Variants in STMN3 observed in about 807,000 individuals in gnomAD.
STMN3 encodes stathmin 3.
STMN3 carries 24 observed loss-of-function variants against 23.2 expected under a neutral mutation model. That is an observed-to-expected ratio of 1.03 (90% CI 0.75 to 1.45). The LOEUF (loss-of-function observed/expected upper bound fraction) is 1.45. Among genes scored for constraint, STMN3 ranks in the 40% most tolerant of loss-of-function variants. STMN3 has a pLI of 0.00. For missense variants in STMN3, 235 were observed against 237.6 expected (o/e 0.99, Z 0.07); for synonymous variants, 117 against 103.4 (o/e 1.13, Z -0.80).
intron 1 of STMN3, among the ~76,000 whole-genome samples, chr20:63,647,787 TAATA>T (rs1233456353): frequency 7.9e-6 from 1 of 126,000 alleles, no homozygotes; most frequent in African/African-American, 2.9e-5. Flanking sequence ...TGTATATATA[TAATA>T]TATATACGTA....
At chr20:63,647,800 T>C (rs1192727128) in intron 1 of STMN3, among the ~76,000 whole-genome samples, 1 of 127,526 alleles carries the variant, frequency 7.8e-6, no homozygotes, top group Non-Finnish European at 1.7e-5. Flanking sequence ...TATATATACG[T>C]ATATATACAC....
At chr20:63,650,559 C>T (rs1250780061) in intron 1 of STMN3, among the ~76,000 whole-genome samples, 2 of 127,066 alleles carry the variant, frequency 1.6e-5, no homozygotes, top group East Asian at 2.5e-4. Context: ...CCCCTCCCGT[C>T]GCCCAGGTGG....
At position 63,652,811 on chromosome 20, in the gene STMN3, G is replaced by A; in HGVS notation, c.19+516C>T. 1 of 981,740 alleles carries A rather than the reference G, an allele frequency of 1.0e-6. No individual in the cohort carries two copies. The highest frequency in any genetic ancestry group is 1.2e-6 in the Non-Finnish European group (1 of 826,578). 60.8% of individuals were successfully genotyped at this position (981,740 alleles called of 1,614,324 possible). On this transcript the variant is annotated intron_variant, in intron 1 of 4. Coordinates refer to ENST00000370053, the MANE Select transcript of STMN3 (RefSeq NM_015894.4). The surrounding 1 kb of genome is among the most constrained non-coding windows in gnomAD (Gnocchi z 5.3). The stretch of plus-strand genomic sequence containing the variant: ...CCTCACTCCGGGCTCCGCCGTGTCT[G>A]GCCCGCCCCCCTCCTTCAGCGCCCC...
Position 63,641,074 on chromosome 20 carries a change from G to A in STMN3, c.*264C>T. The A allele has an allele frequency of 1.8e-6, 1 of 553,664 alleles. No individual in the cohort carries two copies. The highest frequency in any genetic ancestry group is 3.3e-6 in the Non-Finnish European group (1 of 305,946). The allele number at this position is 553,664 out of a possible 1,614,324, so 34.3% of individuals were successfully genotyped here. A position where few individuals can be genotyped will look rare whatever the true frequency, so the allele number is the denominator to read the frequency against. On this transcript the variant is annotated 3_prime_UTR_variant, in exon 5 of 5. Transcript: ENST00000370053. Reference sequence around the variant, plus strand: ...ACGGTCACCGCCACCTCTCTCACAGGGCCCCCGGGGGACCCAGCCGCGCCC... The same window carrying A: ...ACGGTCACCGCCACCTCTCTCACAGAGCCCCCGGGGGACCCAGCCGCGCCC...
rs1288102679 is a variant in STMN3 at position 63,647,712 on chromosome 20, G to A, written c.20-3403C>T. Among the ~76,000 whole-genome samples, 17 of 107,158 alleles carry A rather than the reference G, an allele frequency of 1.6e-4. 1 individual carries two copies. The East Asian group carries it at 1.6e-3, about 10-fold the overall frequency. The allele number at this position is 107,158 out of a possible 152,430, so 70.3% of individuals were successfully genotyped here. A position where few individuals can be genotyped will look rare whatever the true frequency, so the allele number is the denominator to read the frequency against. On this transcript the variant is annotated intron_variant, in intron 1 of 4. Coordinates refer to ENST00000370053, the MANE Select transcript of STMN3 (RefSeq NM_015894.4). The stretch of plus-strand genomic sequence containing the variant: ...GTGTATATATATAATATATATACAC[G>A]TGTATATATATTATATACATATATA...
At chr20:63,643,659 C>G (rs577765173) in intron 3 of STMN3, 97 bp downstream of exon 3, 1 of 1,432,546 alleles carries the variant, frequency 7.0e-7, no homozygotes, top group Non-Finnish European at 9.1e-7. Flanking sequence ...AGGCACTGAC[C>G]AAGCCTGTCC....
chr20:63,644,396 A>C, intron 1 of STMN3, 87 bp from the exon 2 acceptor site: 1 of 1,019,318 alleles, frequency 9.8e-7, no homozygotes, highest in Non-Finnish European at 1.5e-6. Flanking sequence ...TGCCTCTATC[A>C]TGTCTCTGTG....
At chr20:63,646,649 G>C (rs2089811725) in intron 1 of STMN3, among the ~76,000 whole-genome samples, 1 of 151,886 alleles carries the variant, frequency 6.6e-6, no homozygotes, top group South Asian at 2.1e-4. Flanking sequence ...CACTGTGCCT[G>C]GCCTACTTTA....
rs201828570 is a variant in STMN3 at position 63,643,905 on chromosome 20, G to A, written c.142C>T (p.Arg48Trp). The change falls in exon 3 of 5, where the codon CGG becomes TGG. Residue 48 changes from arginine to tryptophan, a missense_variant. Transcript: ENST00000370053. ...GDMEVKQLDK[R>W]ASGQSFEVIL... Reference sequence around the variant, plus strand: ...ACCTCGAAGCTCTGGCCTGAGGCCCGCTTGTCCAGCTGCTTCACCTCCATG... The same window carrying A: ...ACCTCGAAGCTCTGGCCTGAGGCCCACTTGTCCAGCTGCTTCACCTCCATG... 9 of 1,597,990 alleles carry A rather than the reference G, an allele frequency of 5.6e-6. No homozygotes were observed. The East Asian group carries it at 6.7e-5, about 12-fold the overall frequency.
Position 63,653,417 on chromosome 20 carries a change from G to T in STMN3, c.-72C>A. On this transcript the variant is annotated 5_prime_UTR_variant, in exon 1 of 5. Coordinates refer to ENST00000370053, the MANE Select transcript of STMN3 (RefSeq NM_015894.4). ...GCGGCCGGAGCTGCAGACGGCTGGT[G>T]CTGCAGTGCCGGGGAGGGGAGGGGA... 2.0e-6 allele frequency: 3 copies of T among 1,486,816 alleles called. No homozygotes were observed. Among genetic ancestry groups the T allele is most frequent in the Non-Finnish European group, 1.8e-6 (2 of 1,107,448 alleles). The allele number at this position is 1,486,816 out of a possible 1,614,324, so 92.1% of individuals were successfully genotyped here.
rs1005225181 is a variant in STMN3, at chr20:63,652,044, G to C, written c.19+1283C>G. 6.6e-6 allele frequency: 1 copy of C among 152,548 alleles called. No individual in the cohort carries two copies. The highest frequency in any genetic ancestry group is 1.5e-5 in the Non-Finnish European group (1 of 68,306). The allele number at this position is 152,548 out of a possible 1,614,324, so 9.4% of individuals were successfully genotyped here. A position where few individuals can be genotyped will look rare whatever the true frequency, so the allele number is the denominator to read the frequency against. On this transcript the variant is annotated intron_variant, in intron 1 of 4. Coordinates refer to ENST00000370053, the MANE Select transcript of STMN3 (RefSeq NM_015894.4). This position sits in a 1 kb window ranked among gnomAD's most constrained non-coding sequence, Gnocchi z 5.3. ...CCCCAGTATCCCCGGGGGTGTCCAGGAGGAGGCGGAGGGAGGAAGCGCAGA... is the reference window on the plus strand; with the variant it reads ...CCCCAGTATCCCCGGGGGTGTCCAGCAGGAGGCGGAGGGAGGAAGCGCAGA...
Position 63,643,843 on chromosome 20 carries a change from G to A in STMN3, c.204C>T (p.Ser68=). 6.3e-7 allele frequency: 1 copy of A among 1,576,840 alleles called. No homozygotes were observed. The highest frequency in any genetic ancestry group is 8.5e-7 in the Non-Finnish European group (1 of 1,170,116). Residue 68 remains serine (S), a synonymous_variant, in exon 3 of 5, where the codon AGC becomes AGT. Coordinates refer to ENST00000370053, the MANE Select transcript of STMN3 (RefSeq NM_015894.4). ...TCTTGGGTGGGGAGGAGAGCATAGGGCTCTCTGGGGACAGGTCAGAAGGGG... is the reference window on the plus strand; with the variant it reads ...TCTTGGGTGGGGAGGAGAGCATAGGACTCTCTGGGGACAGGTCAGAAGGGG... ...LKSPSDLSPE[S]PMLSSPPKKK...
chr20:63,643,148 G>T lies in STMN3; in HGVS notation c.291+608C>A, dbSNP rs543506236. On this transcript the variant is annotated intron_variant, in intron 3 of 4. Coordinates refer to ENST00000370053, the MANE Select transcript of STMN3 (RefSeq NM_015894.4). ...AGGGATGCCCCACCCGACGTCCCCAGGGCCCATCTGGGGACCACCCCCTAG... is the reference window on the plus strand; with the variant it reads ...AGGGATGCCCCACCCGACGTCCCCATGGCCCATCTGGGGACCACCCCCTAG... Among the ~76,000 whole-genome samples the T allele has an allele frequency of 1.1e-3, 174 of 152,200 alleles. 1 individual carries two copies. Among genetic ancestry groups the T allele is most frequent in the South Asian group, 3.7e-3 (18 of 4,822 alleles).
chr20:63,651,476 C>G (rs569595769), intron 1 of STMN3, among the ~76,000 whole-genome samples: 1 of 151,980 alleles, frequency 6.6e-6, no homozygotes, highest in African/African-American at 2.4e-5. Context: ...GCCGGCTCCC[C>G]CCGGGGGCAG....
intron 3 of STMN3, among the ~76,000 whole-genome samples, chr20:63,642,784 CT>C (rs1197476348): frequency 1.3e-5 from 2 of 152,124 alleles, no homozygotes; most frequent in Non-Finnish European, 2.9e-5. Context: ...CCCAGGGATG[CT>C]GGGGGAGGGG....
intron 1 of STMN3, among the ~76,000 whole-genome samples, chr20:63,644,946 T>G (rs1442809527): frequency 6.6e-6 from 1 of 152,114 alleles, no homozygotes; most frequent in Non-Finnish European, 1.5e-5. Flanking sequence ...CAGTCTCAGG[T>G]ACCTGCCCAG....
Position 63,653,310 on chromosome 20 carries a change from G to A in STMN3, c.19+17C>T, listed in dbSNP as rs752861008. 204 of 1,545,996 alleles carry A rather than the reference G, an allele frequency of 1.3e-4. No individual in the cohort carries two copies. Among genetic ancestry groups the A allele is most frequent in the Non-Finnish European group, 1.7e-4 (191 of 1,145,330 alleles). ...CAGATCCCGCCGCCCCACAAAGCCC[G>A]TGGCCCCGGAGCCTACCGGAAATGG... On this transcript the variant is annotated intron_variant, in intron 1 of 4. Coordinates refer to ENST00000370053, the MANE Select transcript of STMN3 (RefSeq NM_015894.4).
At chr20:63,644,490 G>A (rs1275032487) in intron 1 of STMN3, among the ~76,000 whole-genome samples, 181 bp from the exon 2 acceptor site, 1 of 152,036 alleles carries the variant, frequency 6.6e-6, no homozygotes, top group East Asian at 1.9e-4. Context: ...GCTTCCAGAC[G>A]TCGGCACTGT....
At chr20:63,647,688 TGTATATATATA>T (rs1300634469) in intron 1 of STMN3, among the ~76,000 whole-genome samples, 4 of 47,148 alleles carry the variant, frequency 8.5e-5, no homozygotes, top group Non-Finnish European at 2.7e-4. Flanking sequence ...TATATACACG[TGTATATATATA>T]ATATATATAC....
Sources: gnomAD v4.1 joint callset for allele counts (sites outside exome capture counted in the v4.1 genomes callset) on GRCh38, gnomAD v4.1.1 for gene constraint, Gnocchi (gnomAD v3.1) non-coding constraint, MANE v1.5 for transcripts, NCBI Gene and HGNC (gene_info 2026-07-23, HGNC 2026-07-21) for gene names.